Variants in RANBP2 observed in about 807,000 individuals in gnomAD.
RANBP2 encodes the protein RAN binding protein 2.
In RANBP2, 57 loss-of-function variants were observed where a neutral mutation model predicts 303.6. The ratio of observed to expected loss-of-function variants is 0.19; its 90% CI spans 0.15 to 0.23. The LOEUF is 0.23. Among genes scored for constraint, RANBP2 ranks in the 10% least tolerant of loss-of-function variants. The pLI is 1.00. For missense variants in RANBP2, 3,138 were observed against 3,780.8 expected, an observed-to-expected ratio of 0.83 and a Z score of 4.46; for synonymous variants, 1,167 against 1,301.5, an observed-to-expected ratio of 0.90 and a Z score of 2.23.
At chr2:109,429,953 A>C in the RANBP2 span, among the ~76,000 whole-genome samples, 3 of 152,164 alleles carry the variant, frequency 2.0e-5, no homozygotes, top group Non-Finnish European at 4.4e-5. Flanking sequence ...CAATCCACGG[A>C]ACAAGGCCTC....
intron 28 of RANBP2, 83 bp downstream of exon 28, chr2:108,782,945 C>A: frequency 8.1e-7 from 1 of 1,233,284 alleles, no homozygotes; most frequent in Non-Finnish European, 1.2e-6. Flanking sequence ...TTTTCCTTGA[C>A]CTCATCCTGT....
At chr2:109,197,279 G>C in the RANBP2 span, among the ~76,000 whole-genome samples, 1 of 152,206 alleles carries the variant, frequency 6.6e-6, no homozygotes, top group Non-Finnish European at 1.5e-5. Context: ...GGGATGCTGG[G>C]ATGCACTTGG....
At chr2:108,903,223 A>G in the RANBP2 span, among the ~76,000 whole-genome samples, 3 of 152,204 alleles carry the variant, frequency 2.0e-5, no homozygotes, top group African/African-American at 7.2e-5. Flanking sequence ...CACAATGCAG[A>G]TGAAAAAAAA....
the RANBP2 span, among the ~76,000 whole-genome samples, chr2:109,740,230 G>T: frequency 6.6e-6 from 1 of 151,692 alleles, no homozygotes; most frequent in African/African-American, 2.4e-5. Context: ...CTCATGATCC[G>T]CCTGCCTCGG....
At chr2:108,955,342 G>A in the RANBP2 span, among the ~76,000 whole-genome samples, 2 of 152,106 alleles carry the variant, frequency 1.3e-5, no homozygotes, top group Non-Finnish European at 2.9e-5. Flanking sequence ...TTCCAATTAT[G>A]GAAGAATTGT....
At chr2:109,145,471 G>C in the RANBP2 span, among the ~76,000 whole-genome samples, 1 of 152,170 alleles carries the variant, frequency 6.6e-6, no homozygotes, top group African/African-American at 2.4e-5. Flanking sequence ...GTCTGTCCGT[G>C]AGGGAATGCC....
chr2:109,543,461 C>T, the RANBP2 span: 1 of 152,212 alleles, frequency 6.6e-6, no homozygotes, highest in South Asian at 2.1e-4. Context: ...AATAATCTGA[C>T]ACAAAAGCTT....
chr2:109,373,350 A>C, the RANBP2 span, among the ~76,000 whole-genome samples: 1 of 152,200 alleles, frequency 6.6e-6, no homozygotes, highest in Non-Finnish European at 1.5e-5. Flanking sequence ...TACCCAACAT[A>C]TACATGAATG....
chr2:109,564,684 A>G, the RANBP2 span: 2 of 652,070 alleles, frequency 3.1e-6, no homozygotes, highest in Non-Finnish European at 4.6e-6. Flanking sequence ...TATTTTATAC[A>G]TGTAACCAAG....
chr2:108,863,864 TAATAGTC>T, the RANBP2 span, among the ~76,000 whole-genome samples: 1 of 152,216 alleles, frequency 6.6e-6, no homozygotes, highest in Admixed American at 6.5e-5. Context: ...GAAGTCTACT[TAATAGTC>T]AATTAATGAG....
chr2:109,764,627 A>G, the RANBP2 span, among the ~76,000 whole-genome samples: 1 of 148,844 alleles, frequency 6.7e-6, no homozygotes, highest in South Asian at 2.3e-4. Context: ...AAAAGAGACC[A>G]TATTTGGGAC....
At chr2:109,345,999 C>G in the RANBP2 span, among the ~76,000 whole-genome samples, 2 of 152,334 alleles carry the variant, frequency 1.3e-5, no homozygotes, top group African/African-American at 4.8e-5. Context: ...GCTGAGTGGC[C>G]CCTGTGTGGC....
the RANBP2 span, among the ~76,000 whole-genome samples, chr2:108,938,456 C>T: frequency 6.6e-6 from 1 of 152,304 alleles, no homozygotes; most frequent in South Asian, 2.1e-4. Context: ...GTTTGTGGTG[C>T]TCGGGTGCTC....
chr2:109,308,108 T>C, the RANBP2 span, among the ~76,000 whole-genome samples: 19 of 145,514 alleles, frequency 1.3e-4, no homozygotes, highest in Admixed American at 4.8e-4. Context: ...TTTTAATGAT[T>C]GCCATTCTAA....
At chr2:108,891,005 TTC>T in the RANBP2 span, among the ~76,000 whole-genome samples, 7 of 152,176 alleles carry the variant, frequency 4.6e-5, no homozygotes, top group Non-Finnish European at 8.8e-5. Context: ...GTTCTGGAAT[TTC>T]TGTTTGGTTC....
At chr2:109,725,217 T>TA in the RANBP2 span, among the ~76,000 whole-genome samples, 2 of 152,158 alleles carry the variant, frequency 1.3e-5, no homozygotes, top group Non-Finnish European at 2.9e-5. Context: ...TCCCTCTTGG[T>TA]TGTTCCTCAC....
chr2:109,565,628 G>T, the RANBP2 span: 1 of 767,176 alleles, frequency 1.3e-6, no homozygotes, highest in Non-Finnish European at 2.2e-6. Flanking sequence ...CCAGACTTTG[G>T]CTAAAATAGT....
the RANBP2 span, among the ~76,000 whole-genome samples, chr2:109,513,905 G>A: frequency 9.2e-5 from 14 of 152,182 alleles, no homozygotes; most frequent in African/African-American, 2.9e-4. Flanking sequence ...GGGGACCACC[G>A]TGATGGTGGC....
At chr2:109,684,873 T>C in the RANBP2 span, among the ~76,000 whole-genome samples, 1 of 149,898 alleles carries the variant, frequency 6.7e-6, no homozygotes, top group African/African-American at 2.5e-5. Context: ...ATTAAATTAA[T>C]TAATTAATTA....
Sources: gnomAD v4.1 joint callset for allele counts (sites outside exome capture counted in the v4.1 genomes callset) on GRCh38, gnomAD v4.1.1 for gene constraint, MANE v1.5 for transcripts, NCBI Gene and HGNC (gene_info 2026-07-23, HGNC 2026-07-21) for gene names.